The following SPMIP6 variants were observed in gnomAD, a reference collection of about 807,000 sequenced individuals.
The protein encoded by SPMIP6 is sperm microtubule inner protein 6.
At chr9:34,394,941 C>T in the SPMIP6 span, among the ~76,000 whole-genome samples, 1 of 151,264 alleles carries the variant, frequency 6.6e-6, no homozygotes, top group African/African-American at 2.4e-5. Context: ...ACCATACTGC[C>T]AAAAGCAGCA....
At chr9:34,385,619 C>T in the SPMIP6 span, 64 of 1,607,774 alleles carry the variant, frequency 4.0e-5, 1 homozygote, top group African/African-American at 5.3e-4. Context: ...TAGGGGTCAG[C>T]AAAGGGTGAG....
the SPMIP6 span, chr9:34,385,907 A>G: frequency 1.2e-5 from 10 of 828,316 alleles, no homozygotes; most frequent in Middle Eastern, 1.1e-3. Context: ...CCCCCTCCCC[A>G]TGTCAGAGGG....
chr9:34,380,778 G>A, the SPMIP6 span: 35 of 1,546,546 alleles, frequency 2.3e-5, no homozygotes, highest in South Asian at 3.6e-5. Context: ...AGCGTGCAGC[G>A]CGGGGCTAGA....
the SPMIP6 span, among the ~76,000 whole-genome samples, chr9:34,391,717 A>G: frequency 6.6e-6 from 1 of 152,216 alleles, no homozygotes; most frequent in South Asian, 2.1e-4. Context: ...CATTGAGGTT[A>G]GAGACAGTTA....
chr9:34,397,445 A>G, the SPMIP6 span: 8 of 1,573,810 alleles, frequency 5.1e-6, no homozygotes, highest in East Asian at 1.8e-4. Flanking sequence ...ATTGCCAGGC[A>G]TCCAGACTGG....
chr9:34,379,052 C>T, the SPMIP6 span: 1,077 of 1,357,194 alleles, frequency 7.9e-4, 3 homozygotes, highest in Non-Finnish European at 1.1e-3. The surrounding 1 kb of genome is among the most constrained non-coding windows in gnomAD (Gnocchi z 4.2). Context: ...TTGCTCTGCC[C>T]CCTTGGCACA....
chr9:34,383,444 A>G, the SPMIP6 span, among the ~76,000 whole-genome samples: 1 of 152,232 alleles, frequency 6.6e-6, no homozygotes, highest in Non-Finnish European at 1.5e-5. Flanking sequence ...GAATAGCTCA[A>G]ACCAGGGAGG....
chr9:34,382,338 T>A, the SPMIP6 span, among the ~76,000 whole-genome samples: 1 of 151,904 alleles, frequency 6.6e-6, no homozygotes, highest in Non-Finnish European at 1.5e-5. Context: ...AATCCCAGCA[T>A]TTTAGGAGGC....
chr9:34,383,502 T>A, the SPMIP6 span, among the ~76,000 whole-genome samples: 2 of 152,300 alleles, frequency 1.3e-5, no homozygotes, highest in African/African-American at 4.8e-5. Context: ...CCAGCCTGGG[T>A]GACAGATCAA....
the SPMIP6 span, among the ~76,000 whole-genome samples, chr9:34,384,694 T>C: frequency 5.4e-3 from 817 of 152,178 alleles, 10 homozygotes; most frequent in Admixed American, 0.033. Context: ...CTGTGCTCGA[T>C]GGAGGGGCAC....
At chr9:34,385,535 CAAAAAAAAAAAAAA>C in the SPMIP6 span, 1 of 295,274 alleles carries the variant, frequency 3.4e-6, no homozygotes. Context: ...AACTCCGTCT[CAAAAAAAAAAAAAA>C]AAAAAAAAAA....
chr9:34,382,919 C>G, the SPMIP6 span: 2 of 1,189,374 alleles, frequency 1.7e-6, no homozygotes, highest in Non-Finnish European at 2.5e-6. Context: ...TTACTCTACT[C>G]CAGGATCTGA....
the SPMIP6 span, chr9:34,379,815 C>T: frequency 1.8e-6 from 2 of 1,092,968 alleles, no homozygotes; most frequent in Non-Finnish European, 2.7e-6. This position sits in a 1 kb window ranked among gnomAD's most constrained non-coding sequence, Gnocchi z 4.2. Flanking sequence ...CCCTGGGCGG[C>T]GCTTCAGGTG....
chr9:34,379,562 C>A, the SPMIP6 span: 22 of 1,222,910 alleles, frequency 1.8e-5, no homozygotes, highest in Middle Eastern at 1.9e-4. The surrounding 1 kb of genome is among the most constrained non-coding windows in gnomAD (Gnocchi z 4.2). Context: ...GTTCTCATCC[C>A]GTCTACCAGA....
the SPMIP6 span, among the ~76,000 whole-genome samples, chr9:34,388,400 C>A: frequency 6.6e-6 from 1 of 151,984 alleles, no homozygotes; most frequent in South Asian, 2.1e-4. Context: ...GGTCCACCCA[C>A]CTCAGCCTTC....
the SPMIP6 span, among the ~76,000 whole-genome samples, chr9:34,391,449 T>C: frequency 1.3e-5 from 2 of 152,222 alleles, no homozygotes; most frequent in Non-Finnish European, 2.9e-5. Flanking sequence ...ATTTATTCTT[T>C]TCCCCATAAG....
At chr9:34,385,114 G>A in the SPMIP6 span, among the ~76,000 whole-genome samples, 6 of 151,982 alleles carry the variant, frequency 3.9e-5, no homozygotes, top group Admixed American at 2.6e-4. Flanking sequence ...TTTTTCCACC[G>A]ACAAGAACCC....
At chr9:34,387,025 T>G in the SPMIP6 span, among the ~76,000 whole-genome samples, 1 of 136,956 alleles carries the variant, frequency 7.3e-6, no homozygotes, top group East Asian at 2.7e-4. Context: ...CACTTGATCC[T>G]TATGATTTTT....
chr9:34,387,729 TAGG>T, the SPMIP6 span, among the ~76,000 whole-genome samples: 1 of 152,210 alleles, frequency 6.6e-6, no homozygotes, highest in Non-Finnish European at 1.5e-5. Context: ...TGTTGATAAG[TAGG>T]AGATTATAAA....
Sources: allele counts gnomAD v4.1 joint callset (sites outside exome capture counted in the v4.1 genomes callset), GRCh38; gene constraint gnomAD v4.1.1; non-coding constraint Gnocchi (gnomAD v3.1); transcripts MANE v1.5; gene names NCBI Gene and HGNC (gene_info 2026-07-23, HGNC 2026-07-21).